Variants in EML4 observed in about 807,000 individuals in gnomAD.
EML4 encodes the protein echinoderm microtubule-associated protein-like 4.
In EML4, 72 loss-of-function variants were observed where a neutral mutation model predicts 129.0. That is an observed-to-expected ratio of 0.56 (90% CI 0.46 to 0.68). The LOEUF is 0.68. Among genes scored for constraint, EML4 ranks in the 30% least tolerant of loss-of-function variants. The probability of loss-of-function intolerance (pLI) is 0.00; values close to 1 mark genes in which losing one functional copy is unlikely to be tolerated. For missense variants in EML4, 1,363 were observed against 1,190.6 expected (o/e 1.14, Z -2.13); for synonymous variants, 532 against 405.0 (o/e 1.31, Z -3.77).
chr2:42,186,275 A>G (rs746124287), intron 1 of EML4, among the ~76,000 whole-genome samples: 24 of 152,294 alleles, frequency 1.6e-4, no homozygotes, highest in Non-Finnish European at 1.3e-4. Context: ...TGTATTAAGC[A>G]CAGGTTTGTT....
intron 1 of EML4, among the ~76,000 whole-genome samples, chr2:42,203,735 T>C (rs2103978846): frequency 6.7e-6 from 1 of 149,696 alleles, no homozygotes; most frequent in African/African-American, 2.4e-5. Flanking sequence ...ACAGAGAGGA[T>C]TAATTGATAA....
At chr2:42,284,501 A>T in intron 8 of EML4, 133 bp from the exon 9 acceptor site, 1 of 520,354 alleles carries the variant, frequency 1.9e-6, no homozygotes, top group Non-Finnish European at 3.3e-6. Context: ...TGATTGTTTG[A>T]TTTGCTGAAG....
intron 1 of EML4, 90 bp from the exon 2 acceptor site, chr2:42,245,415 G>A (rs887134451): frequency 7.9e-7 from 1 of 1,264,918 alleles, no homozygotes; most frequent in Non-Finnish European, 1.1e-6. Flanking sequence ...CTCATCTTTT[G>A]TAAGTCTTAT....
At chr2:42,290,999 G>C (rs1305037893) in intron 11 of EML4, among the ~76,000 whole-genome samples, 1 of 152,094 alleles carries the variant, frequency 6.6e-6, no homozygotes, top group Non-Finnish European at 1.5e-5. Flanking sequence ...TAAGGTCAAA[G>C]CACATAAAAT....
chr2:42,298,326 G>A (rs1215995258), intron 13 of EML4, among the ~76,000 whole-genome samples: 2 of 152,180 alleles, frequency 1.3e-5, no homozygotes, highest in African/African-American at 4.8e-5. Context: ...TGTTAGAGAT[G>A]AGAAGAAAGG....
chr2:42,326,317 C>T, intron 21 of EML4, 65 bp downstream of exon 21: 2 of 1,079,794 alleles, frequency 1.9e-6, no homozygotes, highest in South Asian at 1.5e-5. Flanking sequence ...TATTTACTTG[C>T]TTAAATTTAT....
intron 6 of EML4, among the ~76,000 whole-genome samples, chr2:42,266,443 C>A (rs541001415): frequency 1.3e-5 from 2 of 152,260 alleles, no homozygotes; most frequent in African/African-American, 4.8e-5. Context: ...CTCCTGGGCT[C>A]AAGCAGTCCT....
In EML4 at chr2:42,330,089, A is replaced by C. The variant is rs1359267715; in HGVS notation, c.2828A>C (p.Glu943Ala). The C allele has an allele frequency of 6.2e-7, 1 of 1,612,996 alleles. No homozygotes were observed. Among genetic ancestry groups the C allele is most frequent in the Non-Finnish European group, 8.5e-7 (1 of 1,179,862 alleles). ...PSEDHSEEESEEGSGDLGEPL... is the reference protein window; with the variant it reads ...PSEDHSEEESAEGSGDLGEPL... ...GAAGACCACAGCGAGGAGGAGAGTG[A>C]AGAGGGCAGCGGAGACCTTGGTGAG... is the stretch of plus-strand genomic sequence containing the variant. Residue 943 changes from glutamate to alanine, a missense_variant, in exon 23 of 23, where the codon GAA (glutamate) becomes GCA (alanine). Coordinates refer to ENST00000318522, the MANE Select transcript of EML4 (RefSeq NM_019063.5).
intron 11 of EML4, among the ~76,000 whole-genome samples, chr2:42,291,945 T>C (rs1667670256): frequency 6.6e-6 from 1 of 152,168 alleles, no homozygotes; most frequent in South Asian, 2.1e-4. Context: ...GCAATACCAC[T>C]ATGCACCTAC....
At position 42,331,771 on chromosome 2, in the gene EML4, T is replaced by C. The variant is rs945962253; in HGVS notation, c.*1564T>C. The C allele has an allele frequency of 2.3e-5, 5 of 220,852 alleles. No individual in the cohort carries two copies. Among genetic ancestry groups the C allele is most frequent in the South Asian group, 1.9e-4 (1 of 5,402 alleles). 13.7% of individuals were successfully genotyped at this position (220,852 alleles called of 1,614,324 possible). On this transcript the variant is annotated 3_prime_UTR_variant, in exon 23 of 23. Transcript: ENST00000318522. ...TGAACTCCCAAGGACATTTACAACA[T>C]TTATATTCACACGCTGTATGGAAGG...
At chr2:42,246,272 T>C (rs1352284206) in intron 2 of EML4, among the ~76,000 whole-genome samples, 2 of 152,202 alleles carry the variant, frequency 1.3e-5, no homozygotes. Flanking sequence ...AGTGTACCTT[T>C]TCCCTTACTT....
chr2:42,305,735 T>C (rs1258710291), intron 17 of EML4, among the ~76,000 whole-genome samples: 2 of 152,208 alleles, frequency 1.3e-5, no homozygotes, highest in African/African-American at 4.8e-5. Flanking sequence ...TTCCCAAAAT[T>C]AAACTCATTA....
chr2:42,216,713 C>G (rs1673215466), intron 1 of EML4, among the ~76,000 whole-genome samples: 1 of 152,168 alleles, frequency 6.6e-6, no homozygotes, highest in Admixed American at 6.5e-5. Flanking sequence ...TATAGCCAAA[C>G]AATGAGTGCT....
intron 1 of EML4, among the ~76,000 whole-genome samples, chr2:42,236,029 A>G (rs756833154): frequency 6.6e-6 from 1 of 152,158 alleles, no homozygotes; most frequent in Non-Finnish European, 1.5e-5. Context: ...AATCACGTAG[A>G]TGTTCCATTA....
chr2:42,219,547 A>G (rs1379336791), intron 1 of EML4, among the ~76,000 whole-genome samples: 4 of 152,134 alleles, frequency 2.6e-5, no homozygotes, highest in Non-Finnish European at 1.5e-5. Context: ...GACATTTTGC[A>G]TTTAACAAAA....
intron 1 of EML4, among the ~76,000 whole-genome samples, chr2:42,179,029 T>A (rs1670779657): frequency 6.6e-6 from 1 of 152,162 alleles, no homozygotes; most frequent in South Asian, 2.1e-4. Context: ...TGCTTATTAC[T>A]TGTAAGGGGG....
At chr2:42,291,476 C>G (rs2109375) in intron 11 of EML4, among the ~76,000 whole-genome samples, 34,221 of 149,722 alleles carry the variant, frequency 0.23, 3,998 homozygotes, top group East Asian at 0.37. Context: ...TCTTGGCTCA[C>G]TGCTGCAGCC....
At chr2:42,264,658 G>A (rs776800222) in intron 5 of EML4, 48 bp from the exon 6 acceptor site, 2 of 1,048,524 alleles carry the variant, frequency 1.9e-6, no homozygotes, top group Non-Finnish European at 2.9e-6. Flanking sequence ...TTAATGGTTA[G>A]CCATATAAAC....
chr2:42,288,262 C>T lies in EML4; in HGVS notation c.1158C>T (p.Ser386=), dbSNP rs1462490278. ...SGVHLCIIDD[S]NEHMLTVWDW... ...TTCATTTATGTATTATTGATGACTC[C>T]AATGAGCATATGCTTACTGTATGGG... The change falls in exon 11 of 23, where the codon TCC becomes TCT. Residue 386 remains serine, a synonymous_variant. Coordinates refer to ENST00000318522, the MANE Select transcript of EML4 (RefSeq NM_019063.5). 1 of 1,561,352 alleles carries T rather than the reference C, an allele frequency of 6.4e-7. No homozygotes were observed. Among genetic ancestry groups the T allele is most frequent in the Non-Finnish European group, 8.8e-7 (1 of 1,140,122 alleles).
Sources: allele counts gnomAD v4.1 joint callset (sites outside exome capture counted in the v4.1 genomes callset), GRCh38; gene constraint gnomAD v4.1.1; transcripts MANE v1.5; gene names NCBI Gene and HGNC (gene_info 2026-07-23, HGNC 2026-07-21).